The following ARHGAP26 variants were observed in gnomAD, a reference collection of about 807,000 sequenced individuals.
ARHGAP26 encodes Rho GTPase activating protein 26.
In ARHGAP26, 38 loss-of-function variants were observed where a neutral mutation model predicts 104.8. The observed-to-expected ratio is 0.36, with a 90% CI of 0.28 to 0.48. The LOEUF is 0.48. ARHGAP26 is among the 20% of genes least tolerant of loss of function. The probability of loss-of-function intolerance (pLI) is 0.99; values close to 1 mark genes in which losing one functional copy is unlikely to be tolerated. For synonymous variants in ARHGAP26, 341 were observed against 340.0 expected (o/e 1.00, Z -0.03); for missense variants, 704 against 947.9 (o/e 0.74, Z 3.38).
intron 11 of ARHGAP26, among the ~76,000 whole-genome samples, chr5:142,988,420 T>G (rs245721): frequency 0.26 from 39,163 of 151,944 alleles, 5,433 homozygotes; most frequent in East Asian, 0.47. Context: ...TATCAAGTTT[T>G]TTGATCTTTT....
chr5:142,830,569 T>G (rs542406033), intron 1 of ARHGAP26, among the ~76,000 whole-genome samples: 16 of 152,286 alleles, frequency 1.1e-4, no homozygotes, highest in African/African-American at 3.9e-4. Flanking sequence ...AATGCACTCT[T>G]TAATTAATAT....
Position 143,067,624 on chromosome 5 carries a change from A to T in ARHGAP26, c.1538+9877A>T, listed in dbSNP as rs142402862. ...TATTTCGTGTTTCCAATTTGGTATT[A>T]TAAGTCACTATTCTTGATTCTCTTC... On this transcript the variant is annotated intron_variant, in intron 17 of 22. Transcript: ENST00000645722. Among the ~76,000 whole-genome samples, 76 of 152,332 alleles carry T rather than the reference A, an allele frequency of 5.0e-4. No individual in the cohort carries two copies. In the Middle Eastern group the frequency reaches 0.01, roughly 20 times the overall value.
intron 1 of ARHGAP26, among the ~76,000 whole-genome samples, chr5:142,814,784 T>C (rs1168864947): frequency 6.6e-6 from 1 of 152,204 alleles, no homozygotes; most frequent in Non-Finnish European, 1.5e-5. Context: ...TTTCCCTATC[T>C]GTAAGATGGT....
At chr5:142,862,617 A>T (rs1302366350) in intron 1 of ARHGAP26, among the ~76,000 whole-genome samples, 1 of 152,152 alleles carries the variant, frequency 6.6e-6, no homozygotes, top group Non-Finnish European at 1.5e-5. Flanking sequence ...TGTTTAACCA[A>T]GTTCTGGGTT....
chr5:143,156,453 A>C (rs1800472762), intron 20 of ARHGAP26, among the ~76,000 whole-genome samples: 1 of 152,210 alleles, frequency 6.6e-6, no homozygotes, highest in Non-Finnish European at 1.5e-5. Flanking sequence ...TCCTGGGACC[A>C]GCATCATTGG....
At chr5:143,060,669 T>C (rs933368266) in intron 17 of ARHGAP26, among the ~76,000 whole-genome samples, 1 of 151,908 alleles carries the variant, frequency 6.6e-6, no homozygotes, top group African/African-American at 2.4e-5. Flanking sequence ...TCTGGAGTCA[T>C]GTGCCTCAAA....
intron 20 of ARHGAP26, 49 bp from the exon 21 acceptor site, chr5:143,207,149 T>C (rs931579391): frequency 6.3e-7 from 1 of 1,589,672 alleles, no homozygotes; most frequent in Non-Finnish European, 8.6e-7. Flanking sequence ...GTGCTCCCAT[T>C]GTGGTTTCCC....
chr5:142,908,345 A>G (rs1002601732), intron 9 of ARHGAP26, among the ~76,000 whole-genome samples: 8 of 152,260 alleles, frequency 5.3e-5, no homozygotes, highest in Non-Finnish European at 8.8e-5. Context: ...CTAAGCAGAC[A>G]GTAGCTAGAG....
chr5:142,920,713 G>A (rs528821179), intron 10 of ARHGAP26, among the ~76,000 whole-genome samples: 1 of 152,244 alleles, frequency 6.6e-6, no homozygotes, highest in Non-Finnish European at 1.5e-5. Context: ...ATTTAGTGCT[G>A]GAGTTGTAAT....
chr5:143,088,854 C>CG (rs569549612), intron 17 of ARHGAP26, among the ~76,000 whole-genome samples: 100 of 152,002 alleles, frequency 6.6e-4, no homozygotes, highest in African/African-American at 2.3e-3. Flanking sequence ...AAGAGAGTGA[C>CG]GGGGTGAGTG....
intron 10 of ARHGAP26, among the ~76,000 whole-genome samples, chr5:142,920,701 A>G (rs923472769): frequency 6.6e-6 from 1 of 152,166 alleles, no homozygotes; most frequent in Non-Finnish European, 1.5e-5. Context: ...GATGGCAAGG[A>G]TATTTAGTGC....
At chr5:143,132,804 G>T (rs1201273835) in intron 18 of ARHGAP26, among the ~76,000 whole-genome samples, 1 of 150,470 alleles carries the variant, frequency 6.6e-6, no homozygotes, top group South Asian at 2.1e-4. Context: ...AAAGGTGTGT[G>T]TTGATTGAAT....
At chr5:142,799,283 T>A (rs2151951487) in intron 1 of ARHGAP26, among the ~76,000 whole-genome samples, 1 of 152,262 alleles carries the variant, frequency 6.6e-6, no homozygotes, top group Non-Finnish European at 1.5e-5. Flanking sequence ...TCGTTACAAC[T>A]CAGACTATAA....
intron 11 of ARHGAP26, among the ~76,000 whole-genome samples, chr5:142,937,796 A>T (rs1438866841): frequency 2.1e-5 from 3 of 144,440 alleles, no homozygotes; most frequent in Non-Finnish European, 4.6e-5. Context: ...TCTCAAAAAA[A>T]AATATACTTT....
intron 20 of ARHGAP26, among the ~76,000 whole-genome samples, chr5:143,204,368 CA>C (rs1346578572): frequency 6.6e-6 from 1 of 151,850 alleles, no homozygotes; most frequent in Non-Finnish European, 1.5e-5. Context: ...ACTAAAAATA[CA>C]AAAAATTAGC....
chr5:142,775,841 G>A (rs1468418053), intron 1 of ARHGAP26, among the ~76,000 whole-genome samples: 3 of 152,072 alleles, frequency 2.0e-5, no homozygotes, highest in African/African-American at 7.2e-5. Context: ...TCTTATTGTT[G>A]AGTTTTAATT....
intron 17 of ARHGAP26, among the ~76,000 whole-genome samples, chr5:143,081,693 G>C (rs1476690727): frequency 6.6e-6 from 1 of 152,202 alleles, no homozygotes; most frequent in African/African-American, 2.4e-5. Context: ...TGCATATCCA[G>C]TTTCTGGCAT....
At chr5:142,865,919 T>C (rs1754194727) in intron 1 of ARHGAP26, among the ~76,000 whole-genome samples, 1 of 152,226 alleles carries the variant, frequency 6.6e-6, no homozygotes, top group African/African-American at 2.4e-5. Flanking sequence ...TTGCTCCATG[T>C]TTCCACTTCT....
intron 17 of ARHGAP26, among the ~76,000 whole-genome samples, chr5:143,113,807 A>G (rs1340721454): frequency 4.6e-5 from 7 of 152,122 alleles, no homozygotes; most frequent in South Asian, 2.1e-4. Flanking sequence ...TTTTCCTATT[A>G]TAACCACTGA....
Sources: allele counts gnomAD v4.1 joint callset (sites outside exome capture counted in the v4.1 genomes callset), GRCh38; gene constraint gnomAD v4.1.1; transcripts MANE v1.5; gene names NCBI Gene and HGNC (gene_info 2026-07-23, HGNC 2026-07-21).